The following TMEM17 variants were observed in gnomAD, a reference collection of about 807,000 sequenced individuals.
TMEM17 encodes the protein transmembrane protein 17.
TMEM17 carries 15 observed loss-of-function variants against 19.1 expected under a neutral mutation model. That is an observed-to-expected ratio of 0.78 (90% CI 0.52 to 1.21). The LOEUF (loss-of-function observed/expected upper bound fraction) is 1.21. TMEM17 is among the 50% of genes most tolerant of loss of function. The pLI, the probability that TMEM17 is intolerant of heterozygous loss-of-function variation, is 0.00. For missense variants in TMEM17, 245 were observed against 242.3 expected, an observed-to-expected ratio of 1.01 and a Z score of -0.07; for synonymous variants, 103 against 86.9, an observed-to-expected ratio of 1.19 and a Z score of -1.03.
chr2:62,467,999 T>G, the TMEM17 span, among the ~76,000 whole-genome samples: 1 of 151,998 alleles, frequency 6.6e-6, no homozygotes, highest in African/African-American at 2.4e-5. Flanking sequence ...GTACTCAGCA[T>G]GCCCTCTGCT....
At chr2:62,478,787 A>C in the TMEM17 span, among the ~76,000 whole-genome samples, 1 of 152,266 alleles carries the variant, frequency 6.6e-6, no homozygotes, top group African/African-American at 2.4e-5. Flanking sequence ...GATAAGTTTT[A>C]AAAATTATTA....
At chr2:62,467,859 G>A in the TMEM17 span, among the ~76,000 whole-genome samples, 2 of 151,748 alleles carry the variant, frequency 1.3e-5, no homozygotes, top group Non-Finnish European at 1.5e-5. Context: ...TTCCCTGCAG[G>A]AGCATGTGGG....
chr2:62,502,185 A>G, intron 3 of TMEM17: 1 of 258,656 alleles, frequency 3.9e-6, no homozygotes, highest in East Asian at 7.2e-5. Flanking sequence ...CTACATTCAT[A>G]TACTTTACAT....
chr2:62,504,901 A>C (rs1293254721), intron 1 of TMEM17, among the ~76,000 whole-genome samples: 7 of 152,194 alleles, frequency 4.6e-5, no homozygotes, highest in Non-Finnish European at 8.8e-5. Context: ...CGTGGAGACC[A>C]TATGGCCTAC....
chr2:62,472,339 A>G, the TMEM17 span, among the ~76,000 whole-genome samples: 1 of 152,228 alleles, frequency 6.6e-6, no homozygotes, highest in Non-Finnish European at 1.5e-5. Context: ...CTTTCCCTGC[A>G]GCCTGGAATG....
At chr2:62,490,755 G>C in the TMEM17 span, among the ~76,000 whole-genome samples, 1 of 152,096 alleles carries the variant, frequency 6.6e-6, no homozygotes, top group Non-Finnish European at 1.5e-5. Context: ...AAACAGAAAA[G>C]TATGTGGGTA....
the TMEM17 span, among the ~76,000 whole-genome samples, chr2:62,476,609 CTG>C: frequency 6.6e-6 from 1 of 152,142 alleles, no homozygotes; most frequent in African/African-American, 2.4e-5. Context: ...CAGGGACTAT[CTG>C]TATGTATTTA....
the TMEM17 span, among the ~76,000 whole-genome samples, chr2:62,464,787 G>C: frequency 4.1e-4 from 63 of 152,238 alleles, no homozygotes; most frequent in African/African-American, 1.4e-3. Context: ...AGTGTTAATT[G>C]GTTGGGCCAG....
intron 3 of TMEM17, 96 bp downstream of exon 3, chr2:62,502,341 C>G: frequency 1.4e-6 from 1 of 734,620 alleles, no homozygotes; most frequent in Non-Finnish European, 2.2e-6. Flanking sequence ...TAAATTCAGG[C>G]CTGTGCTCTT....
At chr2:62,458,265 G>A in the TMEM17 span, among the ~76,000 whole-genome samples, 2 of 152,350 alleles carry the variant, frequency 1.3e-5, no homozygotes, top group African/African-American at 4.8e-5. Flanking sequence ...GTGTCCGTGA[G>A]GCAAGCCTGC....
chr2:62,466,611 C>T, the TMEM17 span, among the ~76,000 whole-genome samples: 1 of 152,158 alleles, frequency 6.6e-6, no homozygotes, highest in South Asian at 2.1e-4. Context: ...GCCACCCTCC[C>T]TGAGCTGGCA....
At chr2:62,481,808 T>C in the TMEM17 span, among the ~76,000 whole-genome samples, 1 of 151,980 alleles carries the variant, frequency 6.6e-6, no homozygotes, top group South Asian at 2.1e-4. Context: ...CGTCTTTGTG[T>C]CTAGTGATGG....
the TMEM17 span, among the ~76,000 whole-genome samples, chr2:62,456,753 T>A: frequency 5.3e-5 from 8 of 152,312 alleles, no homozygotes; most frequent in African/African-American, 1.7e-4. Flanking sequence ...AGGTAGGCCC[T>A]GGAGGGAGAC....
At chr2:62,475,127 G>A in the TMEM17 span, among the ~76,000 whole-genome samples, 1 of 152,220 alleles carries the variant, frequency 6.6e-6, no homozygotes, top group African/African-American at 2.4e-5. Flanking sequence ...GAAGCTCCAG[G>A]AGAAGCAGCA....
the TMEM17 span, among the ~76,000 whole-genome samples, chr2:62,488,550 C>T: frequency 6.7e-6 from 1 of 149,390 alleles, no homozygotes; most frequent in Non-Finnish European, 1.5e-5. Context: ...CTAAAAGCAA[C>T]TAATAAAGAG....
chr2:62,491,092 A>C, the TMEM17 span: 1 of 151,882 alleles, frequency 6.6e-6, no homozygotes, highest in African/African-American at 2.4e-5. Flanking sequence ...AAAAAAAAAA[A>C]AAAAAAAAAA....
the TMEM17 span, among the ~76,000 whole-genome samples, chr2:62,468,528 G>A: frequency 6.6e-5 from 10 of 152,146 alleles, no homozygotes; most frequent in Non-Finnish European, 1.0e-4. Flanking sequence ...TCACATCTAC[G>A]TTTAACCTCT....
At chr2:62,466,444 G>A in the TMEM17 span, among the ~76,000 whole-genome samples, 5 of 152,342 alleles carry the variant, frequency 3.3e-5, no homozygotes, top group East Asian at 9.6e-4. Flanking sequence ...CGTCGGCTGG[G>A]AAGTTAAACC....
the TMEM17 span, among the ~76,000 whole-genome samples, chr2:62,481,799 G>A: frequency 6.6e-5 from 10 of 151,642 alleles, no homozygotes; most frequent in South Asian, 1.3e-3. Context: ...CGAGGCTATC[G>A]TCTTTGTGTC....
Sources: allele counts gnomAD v4.1 joint callset (sites outside exome capture counted in the v4.1 genomes callset), GRCh38; gene constraint gnomAD v4.1.1; transcripts MANE v1.5; gene names NCBI Gene and HGNC (gene_info 2026-07-23, HGNC 2026-07-21).